Variants in NYX observed in about 807,000 individuals in gnomAD.
NYX encodes the protein nyctalopin.
For missense variants in NYX, 481 were observed against 485.4 expected (o/e 0.99, Z 0.09); for synonymous variants, 258 against 245.7 (o/e 1.05, Z -0.47).
rs1487843837 is a variant in NYX, at chrX:41,473,559, G to A, written c.91G>A (p.Ala31Thr). 9.9e-7 allele frequency: 1 copy of A among 1,013,075 alleles called. No homozygotes were observed. The highest frequency in any genetic ancestry group is 2.7e-5 in the South Asian group (1 of 36,710). The allele number at this position is 1,013,075 out of a possible 1,213,427, so 83.5% of individuals were successfully genotyped here. The part of the protein sequence containing the change: ...ACARACPAAC[A>T]CSTVERGCSV... Reference sequence around the variant, plus strand: ...CGCCCGCGCTTGTCCCGCCGCCTGCGCCTGCAGCACCGTGGAGCGCGGCTG... The same window carrying A: ...CGCCCGCGCTTGTCCCGCCGCCTGCACCTGCAGCACCGTGGAGCGCGGCTG... Residue 31 changes from alanine (A) to threonine (T), a missense_variant, in exon 3 of 3, where the codon GCC becomes ACC. Ala to Thr is a moderately conservative substitution (Grantham distance 58). Coordinates refer to ENST00000378220, the MANE Select transcript of NYX (RefSeq NM_001378477.3).
intron 2 of NYX, among the ~76,000 whole-genome samples, chrX:41,455,010 G>C (rs2064294087): frequency 8.9e-6 from 1 of 111,736 alleles, no homozygotes; most frequent in Non-Finnish European, 1.9e-5. Flanking sequence ...TTTCACAGCT[G>C]TGTCAAGCAA....
At chrX:41,461,818 C>T (rs1226762101) in intron 2 of NYX, among the ~76,000 whole-genome samples, 2 of 110,617 alleles carry the variant, frequency 1.8e-5, no homozygotes, top group African/African-American at 3.3e-5. Context: ...TCTTTTTTTC[C>T]TGAGACACAG....
At position 41,475,065 on chromosome X, in the gene NYX, G is replaced by A; in HGVS notation, c.*166G>A. On this transcript the variant is annotated 3_prime_UTR_variant, in exon 3 of 3. Transcript: ENST00000378220. ...AGAACACAGGGACGTGCCACTCGAG[G>A]GGGAGGATGGTATGGATTTCTGCTT... The A allele has an allele frequency of 2.1e-6, 1 of 486,283 alleles. No homozygotes were observed. The highest frequency in any genetic ancestry group is 3.6e-6 in the Non-Finnish European group (1 of 277,180). 40.1% of individuals were successfully genotyped at this position (486,283 alleles called of 1,213,427 possible). A position where few individuals can be genotyped will look rare whatever the true frequency, so the allele number is the denominator to read the frequency against.
intron 2 of NYX, among the ~76,000 whole-genome samples, chrX:41,467,124 A>T (rs2064343144): frequency 9.1e-6 from 1 of 109,867 alleles, no homozygotes; most frequent in African/African-American, 3.3e-5. Flanking sequence ...TTTTAAAAAA[A>T]TTTTGTCCAG....
At chrX:41,456,701 TTTGA>T (rs2064299897) in intron 2 of NYX, among the ~76,000 whole-genome samples, 3 of 111,924 alleles carry the variant, frequency 2.7e-5, no homozygotes, top group Non-Finnish European at 5.6e-5. Context: ...TTACTGGGTG[TTTGA>T]TTGACAAAGC....
intron 2 of NYX, 102 bp from the exon 3 acceptor site, chrX:41,473,389 C>T (rs1000982433): frequency 5.9e-5 from 50 of 850,338 alleles, no homozygotes; most frequent in Non-Finnish European, 7.2e-5. Context: ...CATCCTGCTG[C>T]CCGGACAGGC....
chrX:41,460,326 T>A (rs2064313767), intron 2 of NYX, among the ~76,000 whole-genome samples: 1 of 110,126 alleles, frequency 9.1e-6, no homozygotes, highest in Non-Finnish European at 1.9e-5. Context: ...CGCTACCACA[T>A]CCGGCTAATT....
chrX:41,464,157 T>TG (rs2033191188), intron 2 of NYX, among the ~76,000 whole-genome samples: 1 of 109,935 alleles, frequency 9.1e-6, no homozygotes, highest in African/African-American at 3.3e-5. Context: ...TCTTTTTTTT[T>TG]TTTTTTAAAA....
At chrX:41,462,928 T>C (rs956105881) in intron 2 of NYX, among the ~76,000 whole-genome samples, 18 of 111,927 alleles carry the variant, frequency 1.6e-4, no homozygotes, top group Non-Finnish European at 7.5e-5. Flanking sequence ...TGCAGTGTCT[T>C]TGAAAGAGAA....
At chrX:41,473,331 T>G (rs1176433604) in intron 2 of NYX, among the ~76,000 whole-genome samples, 160 bp from the exon 3 acceptor site, 1 of 110,483 alleles carries the variant, frequency 9.1e-6, no homozygotes, top group East Asian at 2.9e-4. Flanking sequence ...GCCGCGGAGG[T>G]GGGAAGAGGC....
chrX:41,453,573 A>G (rs1479966298), intron 2 of NYX, among the ~76,000 whole-genome samples: 1 of 108,580 alleles, frequency 9.2e-6, no homozygotes, highest in Non-Finnish European at 1.9e-5. Context: ...CTCATGCCTC[A>G]GCCTCCCGAG....
chrX:41,473,670 G>T lies in NYX; in HGVS notation c.202G>T (p.Gly68Cys). The change falls in exon 3 of 3, where the codon GGC becomes TGC. Residue 68 changes from glycine to cysteine, a missense_variant. Coordinates refer to ENST00000378220, the MANE Select transcript of NYX (RefSeq NM_001378477.3). ...GGTCTCCATCGACCTGGACCGGAAC[G>T]GCCTGCGCTTCCTGGGCGAGCGAGC... ...EAVSIDLDRN[G>C]LRFLGERAFG... is the part of the protein sequence containing the mutation. 8.9e-7 allele frequency: 1 copy of T among 1,119,839 alleles called. No homozygotes were observed. The highest frequency in any genetic ancestry group is 3.7e-5 in the East Asian group (1 of 26,794). 92.3% of individuals were successfully genotyped at this position (1,119,839 alleles called of 1,213,427 possible).
intron 2 of NYX, among the ~76,000 whole-genome samples, chrX:41,463,813 C>T: frequency 9.1e-6 from 1 of 109,988 alleles, no homozygotes; most frequent in Non-Finnish European, 1.9e-5. Context: ...AGGTGATCCA[C>T]CCCCCCATCG....
In NYX at chrX:41,467,605, C is replaced by G. The variant is rs1378237913; in HGVS notation, c.23-5886C>G. ...CTGACCTCAGGTGATCTGTCTGCCT[C>G]TGCCTCCCAAAGTGCTGGAATTACA... On this transcript the variant is annotated intron_variant, in intron 2 of 2. Transcript: ENST00000378220. Among the ~76,000 whole-genome samples the G allele has an allele frequency of 6.3e-5, 7 of 110,486 alleles. No homozygotes were observed. In the Admixed American group the frequency reaches 6.9e-4, roughly 11 times the overall value.
In NYX at chrX:41,473,799, C is replaced by T; in HGVS notation, c.331C>T (p.Arg111Cys). 8.9e-7 allele frequency: 1 copy of T among 1,126,660 alleles called. No homozygotes were observed. Among genetic ancestry groups the T allele is most frequent in the Non-Finnish European group, 1.2e-6 (1 of 859,628 alleles). The allele number at this position is 1,126,660 out of a possible 1,213,427, so 92.8% of individuals were successfully genotyped here. A position where few individuals can be genotyped will look rare whatever the true frequency, so the allele number is the denominator to read the frequency against. Residue 111 changes from arginine (R) to cysteine (C), a missense_variant, in exon 3 of 3, where the codon CGC becomes TGC. Coordinates refer to ENST00000378220, the MANE Select transcript of NYX (RefSeq NM_001378477.3). ...GGGCCTGCCGCGCCTGGCTGAGCTG[C>T]GCCTGGCGCACAACGGCGACCTGCG... ...FKGLPRLAELRLAHNGDLRYL... is the reference protein window; with the variant it reads ...FKGLPRLAELCLAHNGDLRYL...
intron 2 of NYX, among the ~76,000 whole-genome samples, chrX:41,456,066 G>A (rs1056788438): frequency 6.3e-5 from 7 of 111,588 alleles, no homozygotes; most frequent in Non-Finnish European, 9.4e-5. Flanking sequence ...GGCTGGGTGC[G>A]GTGGCTCATG....
chrX:41,474,801 G>C lies in NYX; in HGVS notation c.1333G>C (p.Gly445Arg), dbSNP rs761237969. Residue 445 changes from glycine to arginine, a missense_variant, in exon 3 of 3, where the codon GGG becomes CGG. Coordinates refer to ENST00000378220, the MANE Select transcript of NYX (RefSeq NM_001378477.3). ...ASLSDSLSSR[G>R]VGGAGRQPWF... Reference sequence around the variant, plus strand: ...CCTGTCCGACAGCCTCTCCTCCCGTGGGGTGGGAGGCGCGGGCCGGCAGCC... The same window carrying C: ...CCTGTCCGACAGCCTCTCCTCCCGTCGGGTGGGAGGCGCGGGCCGGCAGCC... 3 of 1,201,339 alleles carry C rather than the reference G, an allele frequency of 2.5e-6. No homozygotes were observed. The highest frequency in any genetic ancestry group is 3.4e-6 in the Non-Finnish European group (3 of 891,595).
At chrX:41,471,323 G>A (rs1046860854) in intron 2 of NYX, among the ~76,000 whole-genome samples, 42 of 111,650 alleles carry the variant, frequency 3.8e-4, no homozygotes, top group African/African-American at 1.4e-3. Context: ...TGTTGGCCAG[G>A]CTAGTCTTTA....
rs751115117 is a variant in NYX, at chrX:41,474,293, C to T, written c.825C>T (p.Leu275=). 1.5e-5 allele frequency: 18 copies of T among 1,206,618 alleles called. No homozygotes were observed. The South Asian group carries it at 3.2e-4, about 21-fold the overall frequency. ...CCTGGTTCGCTGACCTGGCCGAGCT[C>T]GAGCTGCTCTACCTGGACCGCAACA... ...ARAWFADLAE[L]ELLYLDRNSI... Residue 275 remains leucine, a synonymous_variant, in exon 3 of 3, where the codon CTC becomes CTT. Transcript: ENST00000378220.
Sources: allele counts gnomAD v4.1 joint callset (sites outside exome capture counted in the v4.1 genomes callset), GRCh38; gene constraint gnomAD v4.1.1; transcripts MANE v1.5; gene names NCBI Gene and HGNC (gene_info 2026-07-23, HGNC 2026-07-21).